PARD3: variants seen among roughly 807,000 people sequenced by gnomAD.
The protein encoded by PARD3 is par-3 family cell polarity regulator, also known as partitioning defective 3 homolog.
PARD3 carries 75 observed loss-of-function variants against 155.4 expected under a neutral mutation model. The observed-to-expected ratio is 0.48, with a 90% confidence interval of 0.40 to 0.58. The LOEUF is 0.58. Ranked by LOEUF, PARD3 falls within the 20% of genes least tolerant of loss-of-function variation. PARD3 has a pLI of 0.00. For missense variants in PARD3, 1,642 were observed against 1,721.7 expected (o/e 0.95, Z 0.82); for synonymous variants, 576 against 610.5 (o/e 0.94, Z 0.83).
chr10:34,155,733 T>G (rs577555854), intron 22 of PARD3, among the ~76,000 whole-genome samples: 20 of 151,390 alleles, frequency 1.3e-4, no homozygotes, highest in African/African-American at 4.9e-4. Flanking sequence ...ATTAATTTTA[T>G]TTTGCTCTCG....
At chr10:34,164,109 T>C (rs57699440) in intron 22 of PARD3, among the ~76,000 whole-genome samples, 10,899 of 152,188 alleles carry the variant, frequency 0.072, 1,010 homozygotes, top group East Asian at 0.3. Context: ...ACAGACATTG[T>C]GCAAAGCGGA....
intron 14 of PARD3, among the ~76,000 whole-genome samples, chr10:34,349,932 T>C (rs1162754993): frequency 2.0e-5 from 3 of 152,192 alleles, no homozygotes; most frequent in Admixed American, 1.3e-4. Flanking sequence ...AAGGAGTACA[T>C]GCAGGTTTTC....
chr10:34,605,643 A>ATCTCC lies in PARD3; in HGVS notation c.223-88485_223-88484insGGAGA. Among the ~76,000 whole-genome samples, 2 of 54,704 alleles carry ATCTCC rather than the reference A, an allele frequency of 3.7e-5. 1 individual carries two copies. Among genetic ancestry groups the ATCTCC allele is most frequent in the Middle Eastern group, 0.02 (2 of 102 alleles). The allele number at this position is 54,704 out of a possible 152,430, so 35.9% of individuals were successfully genotyped here. A position where few individuals can be genotyped will look rare whatever the true frequency, so the allele number is the denominator to read the frequency against. ...TATCTCCTATATATATATATCTCCT[A>ATCTCC]TATATATATATCTCCTATATATATA... On this transcript the variant is annotated intron_variant, in intron 2 of 24. Coordinates refer to ENST00000374788, the MANE Select transcript of PARD3 (RefSeq NM_001184785.2).
At chr10:34,376,860 A>T (rs1841303839) in intron 10 of PARD3, among the ~76,000 whole-genome samples, 1 of 152,208 alleles carries the variant, frequency 6.6e-6, no homozygotes, top group Admixed American at 6.5e-5. Context: ...GTTAATTAGG[A>T]AATGCAGTAT....
At position 34,363,563 on chromosome 10, in the gene PARD3, C is replaced by T. The variant is rs182135825; in HGVS notation, c.1708-3304G>A. Among the ~76,000 whole-genome samples, 290 of 152,254 alleles carry T rather than the reference C, an allele frequency of 1.9e-3. 1 individual carries two copies. The highest frequency in any genetic ancestry group is 6.6e-3 in the African/African-American group (273 of 41,556). ...TGCTCTTCAAAAATCATTTGAAATG[C>T]TATATTACTGAGAATGTTCATAAAG... is the stretch of plus-strand genomic sequence containing the variant. On this transcript the variant is annotated intron_variant, in intron 12 of 24. Transcript: ENST00000374788.
intron 14 of PARD3, among the ~76,000 whole-genome samples, chr10:34,349,580 TAAAAAAAAAAAAAA>T: frequency 6.0e-4 from 27 of 44,712 alleles, no homozygotes; most frequent in African/African-American, 2.5e-3. Context: ...TCTGGGAAAG[TAAAAAAAAAAAAAA>T]AAAAAAAAAA....
intron 22 of PARD3, among the ~76,000 whole-genome samples, chr10:34,242,654 G>A (rs1953681367): frequency 6.6e-6 from 1 of 152,160 alleles, no homozygotes; most frequent in Non-Finnish European, 1.5e-5. Flanking sequence ...TAAAGACCTT[G>A]TAAAAAGTAT....
chr10:34,405,348 A>G (rs1179606976), intron 5 of PARD3, among the ~76,000 whole-genome samples: 2 of 152,214 alleles, frequency 1.3e-5, no homozygotes, highest in Admixed American at 1.3e-4. Flanking sequence ...GTATTCATCT[A>G]TTCATACACT....
chr10:34,554,320 C>A (rs1042602535), intron 2 of PARD3, among the ~76,000 whole-genome samples: 6 of 152,172 alleles, frequency 3.9e-5, no homozygotes, highest in African/African-American at 1.4e-4. Flanking sequence ...CTAATAGGTT[C>A]TCTAATTGAA....
In PARD3 at chr10:34,615,762, A is replaced by G. The variant is rs560623506; in HGVS notation, c.222+80556T>C. Among the ~76,000 whole-genome samples the G allele has an allele frequency of 3.9e-5, 6 of 152,332 alleles. 1 individual carries two copies. Among genetic ancestry groups the G allele is most frequent in the African/African-American group, 1.4e-4 (6 of 41,578 alleles). On this transcript the variant is annotated intron_variant, in intron 2 of 24. Coordinates refer to ENST00000374788, the MANE Select transcript of PARD3 (RefSeq NM_001184785.2). ...GCAACAGACAAAAACCAAATAATCCAATTTAAAAATGAGAAAATGATCTAA... is the reference window on the plus strand; with the variant it reads ...GCAACAGACAAAAACCAAATAATCCGATTTAAAAATGAGAAAATGATCTAA...
At chr10:34,350,635 G>GA (rs1357680715) in intron 14 of PARD3, among the ~76,000 whole-genome samples, 6 of 135,444 alleles carry the variant, frequency 4.4e-5, no homozygotes, top group Non-Finnish European at 8.2e-5. Context: ...CATCTTGGCG[G>GA]GGGGGGAGGG....
chr10:34,641,883 G>C (rs2092689670), intron 2 of PARD3, among the ~76,000 whole-genome samples: 1 of 152,164 alleles, frequency 6.6e-6, no homozygotes, highest in Non-Finnish European at 1.5e-5. Context: ...GTGGAGGAGG[G>C]CACAAGGGTG....
At chr10:34,615,848 C>A (rs376667880) in intron 2 of PARD3, among the ~76,000 whole-genome samples, 2 of 152,066 alleles carry the variant, frequency 1.3e-5, no homozygotes, top group African/African-American at 4.8e-5. Context: ...ATATGTTCAA[C>A]ATCATTATTC....
At chr10:34,565,518 C>T (rs936377095) in intron 2 of PARD3, among the ~76,000 whole-genome samples, 1 of 151,994 alleles carries the variant, frequency 6.6e-6, no homozygotes, top group Non-Finnish European at 1.5e-5. Context: ...CCGCCCGCCT[C>T]GGCCTCCCAA....
At chr10:34,324,492 A>G (rs1958566149) in intron 19 of PARD3, among the ~76,000 whole-genome samples, 1 of 152,298 alleles carries the variant, frequency 6.6e-6, no homozygotes, top group African/African-American at 2.4e-5. Context: ...TGTGCACCGC[A>G]TGGCACAGGC....
intron 22 of PARD3, among the ~76,000 whole-genome samples, chr10:34,150,588 C>T (rs552727744): frequency 9.2e-5 from 14 of 152,154 alleles, no homozygotes; most frequent in Admixed American, 2.0e-4. Context: ...TGTGAGGTGA[C>T]GTGCCGGACT....
intron 1 of PARD3, among the ~76,000 whole-genome samples, chr10:34,760,236 G>A (rs138658926): frequency 8.5e-4 from 130 of 152,086 alleles, no homozygotes; most frequent in South Asian, 1.5e-3. Context: ...TGCCCAGGCC[G>A]GTCTCCAGCT....
chr10:34,148,495 A>G (rs549115158), intron 22 of PARD3, among the ~76,000 whole-genome samples: 1 of 151,960 alleles, frequency 6.6e-6, no homozygotes, highest in South Asian at 2.1e-4. Context: ...CTGACATTTC[A>G]TTTTGTCACC....
chr10:34,189,240 G>A (rs956318155), intron 22 of PARD3, among the ~76,000 whole-genome samples: 12 of 152,318 alleles, frequency 7.9e-5, no homozygotes, highest in African/African-American at 2.6e-4. Flanking sequence ...GGTGAGGGGA[G>A]GAGCCCTTGA....
Sources: allele counts gnomAD v4.1 joint callset (sites outside exome capture counted in the v4.1 genomes callset), GRCh38; gene constraint gnomAD v4.1.1; transcripts MANE v1.5; gene names NCBI Gene and HGNC (gene_info 2026-07-23, HGNC 2026-07-21).